RYR2: variants seen among roughly 807,000 people sequenced by gnomAD.
RYR2 encodes cardiac muscle ryanodine receptor-calcium release channel.
Under a neutral mutation model 601.1 loss-of-function variants are expected in RYR2, and 227 were observed. That is an observed-to-expected ratio of 0.38 (90% CI 0.34 to 0.42). RYR2 has a LOEUF of 0.42. Ranked by LOEUF, RYR2 falls within the 10% of genes least tolerant of loss-of-function variation. The probability of loss-of-function intolerance (pLI) is 1.00; values close to 1 mark genes in which losing one functional copy is unlikely to be tolerated. For missense variants in RYR2, 4,646 were observed against 6,156.5 expected, an observed-to-expected ratio of 0.75 and a Z score of 8.21; for synonymous variants, 2,223 against 2,175.1, an observed-to-expected ratio of 1.02 and a Z score of -0.61.
intron 2 of RYR2, among the ~76,000 whole-genome samples, chr1:237,273,555 G>GAA (rs1689927446): frequency 2.3e-5 from 1 of 43,274 alleles, no homozygotes; most frequent in African/African-American, 2.9e-4. Flanking sequence ...GGTTTTAGGG[G>GAA]AGAGTGTCTT....
At chr1:237,213,420 G>C (rs685324) in intron 1 of RYR2, among the ~76,000 whole-genome samples, 98,987 of 151,946 alleles carry the variant, frequency 0.65, 33,979 homozygotes, top group Admixed American at 0.76. Context: ...TCAAGTGATC[G>C]TCCTACTTTG....
intron 63 of RYR2, among the ~76,000 whole-genome samples, chr1:237,692,531 G>A (rs1451613519): frequency 6.6e-6 from 1 of 151,908 alleles, no homozygotes; most frequent in African/African-American, 2.4e-5. Flanking sequence ...ATTCCCCATG[G>A]GCCACTCCGT....
chr1:237,427,064 A>G (rs1257643182), intron 12 of RYR2, among the ~76,000 whole-genome samples: 1 of 152,240 alleles, frequency 6.6e-6, no homozygotes, highest in Non-Finnish European at 1.5e-5. Flanking sequence ...CAAAAAGGAA[A>G]CACTCAAATA....
intron 3 of RYR2, among the ~76,000 whole-genome samples, chr1:237,338,815 C>T (rs1176986865): frequency 6.6e-6 from 1 of 152,126 alleles, no homozygotes; most frequent in Non-Finnish European, 1.5e-5. Flanking sequence ...AATGTTGTGT[C>T]CACGCTAGTT....
At chr1:237,326,767 C>T (rs932797934) in intron 2 of RYR2, among the ~76,000 whole-genome samples, 2 of 152,168 alleles carry the variant, frequency 1.3e-5, no homozygotes, top group African/African-American at 2.4e-5. Flanking sequence ...CAAATGCTTG[C>T]AAATGGGAGC....
At chr1:237,546,993 A>ATATATATATTTATT (rs746133377) in intron 25 of RYR2, among the ~76,000 whole-genome samples, 2 of 127,400 alleles carry the variant, frequency 1.6e-5, no homozygotes, top group African/African-American at 2.8e-5. Flanking sequence ...ATATATATAT[A>ATATATATATTTATT]TATTTATTTA....
intron 22 of RYR2, among the ~76,000 whole-genome samples, chr1:237,505,414 C>T (rs1665115748): frequency 6.6e-6 from 1 of 152,142 alleles, no homozygotes; most frequent in Admixed American, 6.5e-5. Context: ...GAATTAATAC[C>T]ATGCCTCCAA....
At chr1:237,713,543 C>A (rs530027535) in intron 71 of RYR2, among the ~76,000 whole-genome samples, 13 of 151,984 alleles carry the variant, frequency 8.6e-5, no homozygotes, top group Non-Finnish European at 1.8e-4. Flanking sequence ...ACTATACAGG[C>A]GCATGCCACC....
rs1667281597 is a variant in RYR2, at chr1:237,523,463, G to A, written c.2823-6964G>A. Among the ~76,000 whole-genome samples, 5 of 152,152 alleles carry A rather than the reference G, an allele frequency of 3.3e-5. No individual in the cohort carries two copies. In the South Asian group the frequency reaches 1.0e-3, roughly 31 times the overall value. Reference sequence around the variant, plus strand: ...AAAAATTGGCAAAACAGCTGGGCATGGTGGCTCACGCCTATAATTCCAGCA... The same window carrying A: ...AAAAATTGGCAAAACAGCTGGGCATAGTGGCTCACGCCTATAATTCCAGCA... On this transcript the variant is annotated intron_variant, in intron 24 of 104. Transcript: ENST00000366574.
intron 11 of RYR2, among the ~76,000 whole-genome samples, chr1:237,419,005 C>T (rs1265747282): frequency 6.6e-6 from 1 of 151,746 alleles, no homozygotes; most frequent in Non-Finnish European, 1.5e-5. Context: ...TGTGATTATT[C>T]AGATAATTTA....
At chr1:237,192,357 C>T (rs572167734) in intron 1 of RYR2, among the ~76,000 whole-genome samples, 18 of 151,994 alleles carry the variant, frequency 1.2e-4, no homozygotes, top group African/African-American at 4.3e-4. Context: ...TACAGGCACT[C>T]GCCCACCACG....
intron 25 of RYR2, among the ~76,000 whole-genome samples, chr1:237,538,046 T>TA (rs201079365): frequency 2.0e-5 from 3 of 151,626 alleles, no homozygotes; most frequent in Non-Finnish European, 4.4e-5. Flanking sequence ...TTAATCTACT[T>TA]AAAAAAAATG....
chr1:237,631,170 A>G (rs765396052), intron 41 of RYR2, among the ~76,000 whole-genome samples: 3 of 152,222 alleles, frequency 2.0e-5, no homozygotes, highest in Non-Finnish European at 4.4e-5. Flanking sequence ...TCCAAAGTAT[A>G]TTTCATTTTA....
At chr1:237,831,676 A>T (rs898744076) in intron 104 of RYR2, 111 bp downstream of exon 104, 28 of 659,370 alleles carry the variant, frequency 4.2e-5, no homozygotes, top group Non-Finnish European at 6.8e-5. Context: ...TTCAGATATT[A>T]GTTGTGGTAT....
At chr1:237,108,398 C>T (rs1410074466) in intron 1 of RYR2, among the ~76,000 whole-genome samples, 3 of 152,160 alleles carry the variant, frequency 2.0e-5, no homozygotes, top group East Asian at 1.9e-4. Context: ...GAGGATGCTG[C>T]GTTAAGTCAG....
intron 7 of RYR2, among the ~76,000 whole-genome samples, chr1:237,376,465 A>AGAGTTAT (rs1701042732): frequency 6.6e-6 from 1 of 151,890 alleles, no homozygotes. Flanking sequence ...AGGAAAAAAA[A>AGAGTTAT]GAGTTATGGA....
intron 3 of RYR2, among the ~76,000 whole-genome samples, chr1:237,332,122 T>C (rs888427299): frequency 1.3e-5 from 2 of 152,192 alleles, no homozygotes; most frequent in Admixed American, 6.5e-5. Flanking sequence ...TTATTAATCA[T>C]TACTCTGGTC....
intron 27 of RYR2, among the ~76,000 whole-genome samples, chr1:237,565,914 G>A (rs1672026664): frequency 6.6e-6 from 1 of 152,098 alleles, no homozygotes; most frequent in South Asian, 2.1e-4. Flanking sequence ...TGGTCCTAAT[G>A]TTGGATGCTG....
At chr1:237,593,240 A>ATCT (rs1675431647) in intron 32 of RYR2, among the ~76,000 whole-genome samples, 2 of 152,184 alleles carry the variant, frequency 1.3e-5, no homozygotes, top group Non-Finnish European at 2.9e-5. Context: ...CTCAGATCAC[A>ATCT]TCTTTTCTCT....
Sources: allele counts gnomAD v4.1 joint callset (sites outside exome capture counted in the v4.1 genomes callset), GRCh38; gene constraint gnomAD v4.1.1; transcripts MANE v1.5; gene names NCBI Gene and HGNC (gene_info 2026-07-23, HGNC 2026-07-21).